Variants in DCX observed in about 807,000 individuals in gnomAD.
DCX encodes the protein neuronal migration protein doublecortin.
A neutral mutation model predicts 20.9 loss-of-function variants in DCX; 4 were observed. The observed-to-expected ratio is 0.19, with a 90% CI of 0.09 to 0.44. The LOEUF (loss-of-function observed/expected upper bound fraction) is 0.44, where lower values mean the gene tolerates loss of function less well. DCX is among the 20% of genes least tolerant of loss of function. The pLI is 0.99. For missense variants in DCX, 133 were observed against 296.9 expected (o/e 0.45, Z 4.06); for synonymous variants, 103 against 111.4 (o/e 0.92, Z 0.47).
chrX:111,343,443 C>G (rs1603417146), intron 3 of DCX, among the ~76,000 whole-genome samples: 1 of 93,960 alleles, frequency 1.1e-5, no homozygotes, highest in Non-Finnish European at 2.1e-5. Context: ...GCCTACCAAC[C>G]AAGAAAAAAA....
chrX:111,410,417 A>G lies in DCX; in HGVS notation c.-19T>C. On this transcript the variant is annotated 5_prime_UTR_variant, in exon 2 of 7. Coordinates refer to ENST00000636035, the MANE Select transcript of DCX (RefSeq NM_001195553.2). ...GTTCCATATTTTGGTGGAACCTCAG[A>G]GACCTGAGCGTGGGAGAAAGGGATG... 1 of 1,210,115 alleles carries G rather than the reference A, an allele frequency of 8.3e-7. No individual in the cohort carries two copies. The highest frequency in any genetic ancestry group is 3.0e-5 in the East Asian group (1 of 33,803).
At chrX:111,410,857 T>C in intron 1 of DCX, 1 of 1,211,090 alleles carries the variant, frequency 8.3e-7, no homozygotes, top group South Asian at 1.8e-5. Context: ...AATGAATCCA[T>C]AGCCTGACAA....
chrX:111,378,694 C>A (rs779908818), intron 3 of DCX, among the ~76,000 whole-genome samples: 1 of 111,042 alleles, frequency 9.0e-6, no homozygotes, highest in South Asian at 3.9e-4. Context: ...GTCTAGTAAG[C>A]ATCCATTTTA....
At chrX:111,329,649 G>C (rs780610427) in intron 5 of DCX, among the ~76,000 whole-genome samples, 1 of 111,831 alleles carries the variant, frequency 8.9e-6, no homozygotes, top group Non-Finnish European at 1.9e-5. Flanking sequence ...GGCATTCCAG[G>C]TATGGGGGAA....
intron 5 of DCX, among the ~76,000 whole-genome samples, chrX:111,314,314 T>C (rs1332534924): frequency 9.0e-6 from 1 of 111,687 alleles, no homozygotes; most frequent in East Asian, 2.8e-4. Flanking sequence ...GACATCAAGG[T>C]TTCAGAGAGG....
At chrX:111,308,169 A>G (rs1217739223) in intron 6 of DCX, among the ~76,000 whole-genome samples, 3 of 112,307 alleles carry the variant, frequency 2.7e-5, no homozygotes, top group Non-Finnish European at 5.6e-5. Flanking sequence ...TAGCAATACA[A>G]ATAATTTGCA....
intron 5 of DCX, 64 bp downstream of exon 5, chrX:111,330,840 C>T: frequency 1.7e-6 from 2 of 1,194,544 alleles, no homozygotes; most frequent in Non-Finnish European, 2.3e-6. Flanking sequence ...GATTCCTCTG[C>T]ATGCAGAAAG....
chrX:111,396,387 A>G (rs766789677), intron 3 of DCX, among the ~76,000 whole-genome samples: 125 of 112,325 alleles, frequency 1.1e-3, no homozygotes, highest in Non-Finnish European at 1.7e-3. Context: ...AGGCATGTAT[A>G]TTGAGGCAAT....
At chrX:111,348,489 C>T (rs980566801) in intron 3 of DCX, among the ~76,000 whole-genome samples, 1 of 111,544 alleles carries the variant, frequency 9.0e-6, no homozygotes, top group African/African-American at 3.3e-5. Context: ...CACTGGGGGC[C>T]TCTCAAGGAT....
intron 3 of DCX, among the ~76,000 whole-genome samples, chrX:111,378,456 C>A (rs1315326038): frequency 1.8e-5 from 2 of 111,818 alleles, no homozygotes; most frequent in Non-Finnish European, 3.8e-5. Flanking sequence ...CTGATATGAA[C>A]AACACACTGC....
chrX:111,402,923 T>C (rs766020783), intron 2 of DCX, among the ~76,000 whole-genome samples: 1 of 109,751 alleles, frequency 9.1e-6, no homozygotes, highest in African/African-American at 3.3e-5. Flanking sequence ...GGGATGGTTT[T>C]AAGTGAGGAT....
intron 6 of DCX, among the ~76,000 whole-genome samples, chrX:111,311,521 T>C (rs1168794014): frequency 1.8e-5 from 2 of 112,000 alleles, no homozygotes; most frequent in Non-Finnish European, 3.8e-5. Flanking sequence ...CATGGCCAAA[T>C]TCAAGTTAAA....
chrX:111,313,583 T>G (rs1268202772), intron 5 of DCX, among the ~76,000 whole-genome samples: 1 of 112,186 alleles, frequency 8.9e-6, no homozygotes, highest in African/African-American at 3.2e-5. Context: ...CACATTTGGC[T>G]CTAGCCAAGA....
In DCX at chrX:111,333,085, G is replaced by A. The variant is rs771696055; in HGVS notation, c.774C>T (p.Arg258=). ...VFIACGPEKF[R]YAQDDFSLDE... is the part of the protein sequence containing the mutation. ...CCAGAGAAAAATCATCCTGAGCATA[G>A]CGAAATTTTTCAGGACCACAGGCAA... Residue 258 remains arginine (R), a synonymous_variant, in exon 4 of 7, where the codon CGC becomes CGT. Coordinates refer to ENST00000636035, the MANE Select transcript of DCX (RefSeq NM_001195553.2). 5.0e-6 allele frequency: 6 copies of A among 1,208,852 alleles called. No homozygotes were observed. The highest frequency in any genetic ancestry group is 3.5e-5 in the African/African-American group (2 of 57,053).
Position 111,316,451 on chromosome X carries a change from C to T in DCX, c.947-3715G>A, listed in dbSNP as rs185927374. 4.1e-3 allele frequency among the ~76,000 whole-genome samples: 455 copies of T among 110,607 alleles called. 1 individual carries two copies. Among genetic ancestry groups the T allele is most frequent in the Non-Finnish European group, 5.7e-3 (299 of 52,831 alleles). On this transcript the variant is annotated intron_variant, in intron 5 of 6. Transcript: ENST00000636035. ...TTCACCATATTGGCCAGGATGATCT[C>T]GATCTCTTGACCTCATGATCCTCCT...
At chrX:111,408,299 C>T (rs997278698) in intron 2 of DCX, among the ~76,000 whole-genome samples, 4 of 111,271 alleles carry the variant, frequency 3.6e-5, no homozygotes, top group African/African-American at 1.3e-4. Context: ...ATCTAAGCTT[C>T]CTGGGCATTG....
chrX:111,404,422 TA>T (rs1334084768), intron 2 of DCX, among the ~76,000 whole-genome samples: 1 of 112,235 alleles, frequency 8.9e-6, no homozygotes, highest in African/African-American at 3.2e-5. Flanking sequence ...AGATTTATGC[TA>T]ACACCCAGTA....
chrX:111,411,937 A>G (rs1603424651), intron 1 of DCX: 1 of 111,937 alleles, frequency 8.9e-6, no homozygotes, highest in East Asian at 2.8e-4. Context: ...CTAAATTAAC[A>G]TCACAGTGAA....
intron 6 of DCX, 148 bp from the exon 7 acceptor site, chrX:111,301,891 G>T: frequency 1.9e-6 from 1 of 534,616 alleles, no homozygotes; most frequent in Non-Finnish European, 3.1e-6. Flanking sequence ...GTACAGGGAG[G>T]TACCCTTGTA....
Sources: allele counts gnomAD v4.1 joint callset (sites outside exome capture counted in the v4.1 genomes callset), GRCh38; gene constraint gnomAD v4.1.1; transcripts MANE v1.5; gene names NCBI Gene and HGNC (gene_info 2026-07-23, HGNC 2026-07-21).